The following ARHGAP44 variants were observed in gnomAD, a reference collection of about 807,000 sequenced individuals.
The protein encoded by ARHGAP44 is Rho GTPase activating protein 44, also known as rho GTPase-activating protein 44.
A neutral mutation model predicts 106.8 loss-of-function variants in ARHGAP44; 43 were observed. That is an observed-to-expected ratio of 0.40 (90% CI 0.32 to 0.52). The LOEUF is 0.52. Among genes scored for constraint, ARHGAP44 ranks in the 20% least tolerant of loss-of-function variants. The pLI is 0.48. For synonymous variants in ARHGAP44, 439 were observed against 410.3 expected (o/e 1.07, Z -0.85); for missense variants, 866 against 1,050.5 (o/e 0.82, Z 2.43).
chr17:12,861,542 T>C (rs1306916332), intron 1 of ARHGAP44, among the ~76,000 whole-genome samples: 1 of 151,942 alleles, frequency 6.6e-6, no homozygotes, highest in Non-Finnish European at 1.5e-5. Context: ...TTCCGCCGTC[T>C]TCAAAGCCAG....
intron 1 of ARHGAP44, among the ~76,000 whole-genome samples, chr17:12,834,832 T>C (rs1362370232): frequency 1.3e-5 from 2 of 151,874 alleles, no homozygotes; most frequent in African/African-American, 2.4e-5. Flanking sequence ...TTTATGATGC[T>C]AGCATCTCCT....
intron 1 of ARHGAP44, among the ~76,000 whole-genome samples, chr17:12,832,059 G>C (rs2150814290): frequency 6.6e-6 from 1 of 152,288 alleles, no homozygotes; most frequent in African/African-American, 2.4e-5. Flanking sequence ...TTTGCCCACT[G>C]CCCAGAAAGA....
intron 1 of ARHGAP44, among the ~76,000 whole-genome samples, chr17:12,791,416 G>A (rs1202009245): frequency 6.6e-6 from 1 of 152,104 alleles, no homozygotes; most frequent in Non-Finnish European, 1.5e-5. Context: ...TGGCTTCTTC[G>A]TCACCCTGCA....
chr17:12,982,912 A>T (rs7225118), intron 19 of ARHGAP44: 144,680 of 151,948 alleles, frequency 0.95, 69,274 homozygotes, highest in East Asian at 1. Context: ...TGGGGTGGGG[A>T]GAAGGAAGAG....
intron 1 of ARHGAP44, chr17:12,790,297 C>T (rs62060386): frequency 0.097 from 18,128 of 187,478 alleles, 1,153 homozygotes; most frequent in African/African-American, 0.18. Context: ...TCTTCCCTCC[C>T]CTCCCCTGCG....
intron 2 of ARHGAP44, 21 bp from the exon 3 acceptor site, chr17:12,896,386 C>T (rs756252171): frequency 1.9e-6 from 3 of 1,570,138 alleles, no homozygotes; most frequent in Admixed American, 1.9e-5. Flanking sequence ...TCAGTGGCAC[C>T]ACCCGCTCTT....
chr17:12,877,647 G>A (rs1048295710), intron 1 of ARHGAP44, among the ~76,000 whole-genome samples: 1 of 152,112 alleles, frequency 6.6e-6, no homozygotes, highest in African/African-American at 2.4e-5. Context: ...CTACTCGGGA[G>A]GCTGAGGCAG....
chr17:12,979,928 C>G (rs1389863085), intron 18 of ARHGAP44, 130 bp from the exon 19 acceptor site: 1 of 1,026,858 alleles, frequency 9.7e-7, no homozygotes, highest in Non-Finnish European at 1.4e-6. Flanking sequence ...AGGAAGGGGC[C>G]AAGACAGACC....
chr17:12,907,943 A>G (rs542569803), intron 3 of ARHGAP44, among the ~76,000 whole-genome samples: 1 of 152,076 alleles, frequency 6.6e-6, no homozygotes, highest in Admixed American at 6.5e-5. Context: ...ATGAAGGTTT[A>G]TGCTCACCAA....
At chr17:12,827,229 GTTATT>G (rs2034947357) in intron 1 of ARHGAP44, among the ~76,000 whole-genome samples, 1 of 151,722 alleles carries the variant, frequency 6.6e-6, no homozygotes, top group Non-Finnish European at 1.5e-5. Flanking sequence ...TGTTGTTTTG[GTTATT>G]TTAATTTATA....
intron 4 of ARHGAP44, among the ~76,000 whole-genome samples, chr17:12,914,343 C>T (rs955047595): frequency 2.0e-5 from 3 of 152,190 alleles, no homozygotes; most frequent in African/African-American, 7.2e-5. Flanking sequence ...TCCAAACATG[C>T]ACAAAGAGAC....
chr17:12,832,576 A>G (rs2035121165), intron 1 of ARHGAP44, among the ~76,000 whole-genome samples: 1 of 152,184 alleles, frequency 6.6e-6, no homozygotes, highest in Non-Finnish European at 1.5e-5. Context: ...GCTTTGTTTT[A>G]GGAAAGGGCT....
intron 1 of ARHGAP44, among the ~76,000 whole-genome samples, chr17:12,839,444 GA>G (rs2035331726): frequency 6.6e-6 from 1 of 152,150 alleles, no homozygotes; most frequent in Admixed American, 6.6e-5. Flanking sequence ...ATCTCTTCTT[GA>G]ATTACTACAA....
At chr17:12,903,126 G>GAGAGAGAGGAGAGA (rs57334058) in intron 3 of ARHGAP44, among the ~76,000 whole-genome samples, 1 of 70,700 alleles carries the variant, frequency 1.4e-5, no homozygotes, top group African/African-American at 6.5e-5. Context: ...GAGAGAGAGA[G>GAGAGAGAGGAGAGA]GAGAGAGAGA....
At chr17:12,803,034 G>A (rs1308328817) in intron 1 of ARHGAP44, among the ~76,000 whole-genome samples, 39 of 138,176 alleles carry the variant, frequency 2.8e-4, no homozygotes, top group Non-Finnish European at 4.4e-4. Context: ...GTACAGTGGC[G>A]CGATCTTGGC....
chr17:12,827,939 T>G (rs2034968650), intron 1 of ARHGAP44, among the ~76,000 whole-genome samples: 1 of 146,672 alleles, frequency 6.8e-6, no homozygotes, highest in Non-Finnish European at 1.5e-5. Context: ...CTCAGGAGGC[T>G]GAGGCAGGAG....
intron 1 of ARHGAP44, among the ~76,000 whole-genome samples, chr17:12,836,164 T>C (rs2035231306): frequency 6.6e-6 from 1 of 152,144 alleles, no homozygotes; most frequent in African/African-American, 2.4e-5. Flanking sequence ...TTCCCAGAAG[T>C]GGGAATGACT....
chr17:12,913,841 C>T (rs981450344), intron 4 of ARHGAP44, among the ~76,000 whole-genome samples: 2 of 151,926 alleles, frequency 1.3e-5, no homozygotes, highest in African/African-American at 2.4e-5. Context: ...CAGTGGTGCA[C>T]ACCTGTAATC....
chr17:12,873,735 T>G (rs2150886715), intron 1 of ARHGAP44, among the ~76,000 whole-genome samples: 1 of 152,036 alleles, frequency 6.6e-6, no homozygotes, highest in South Asian at 2.1e-4. Flanking sequence ...CCGTCTCTAC[T>G]AAAAATACAA....
Sources: gnomAD v4.1 joint callset for allele counts (sites outside exome capture counted in the v4.1 genomes callset) on GRCh38, gnomAD v4.1.1 for gene constraint, MANE v1.5 for transcripts, NCBI Gene and HGNC (gene_info 2026-07-23, HGNC 2026-07-21) for gene names.